RLN3: variants seen among roughly 807,000 people sequenced by gnomAD.
The protein encoded by RLN3 is relaxin-3.
A neutral mutation model predicts 10.2 loss-of-function variants in RLN3; 13 were observed. That is an observed-to-expected ratio of 1.28 (90% CI 0.83 to 2.03). RLN3 has a LOEUF of 2.03. RLN3 is among the 30% of genes most tolerant of loss of function. The pLI is 0.00. For synonymous variants in RLN3, 56 were observed against 79.2 expected (o/e 0.71, Z 1.56); for missense variants, 191 against 187.2 (o/e 1.02, Z -0.12).
Position 14,030,756 on chromosome 19 carries a change from C to T in RLN3, c.237C>T (p.Gly79=), listed in dbSNP as rs546369218. ...DADADEDSLA[G]ELDEAMGSSE... is the part of the protein sequence containing the mutation. Reference sequence around the variant, plus strand: ...ATGCTGATGAAGACAGTCTGGCAGGCGAGCTGGATGAGGCCATGGGGTCCA... The same window carrying T: ...ATGCTGATGAAGACAGTCTGGCAGGTGAGCTGGATGAGGCCATGGGGTCCA... The change falls in exon 2 of 2, where the codon GGC becomes GGT. Residue 79 remains glycine (G), a synonymous_variant. Coordinates refer to ENST00000431365, the MANE Select transcript of RLN3 (RefSeq NM_080864.4). 38 of 1,614,080 alleles carry T rather than the reference C, an allele frequency of 2.4e-5. No individual in the cohort carries two copies. The highest frequency in any genetic ancestry group is 1.6e-4 in the Middle Eastern group (1 of 6,082).
chr19:14,030,062 T>A (rs1012192547), intron 1 of RLN3, among the ~76,000 whole-genome samples: 1 of 151,924 alleles, frequency 6.6e-6, no homozygotes, highest in African/African-American at 2.4e-5. Context: ...GTTCTGGTGA[T>A]CCTCCAGCAT....
At position 14,028,156 on chromosome 19, in the gene RLN3, GC is replaced by G; in HGVS notation, c.-48del. 7.1e-7 allele frequency: 1 copy of G among 1,409,518 alleles called. No homozygotes were observed. Among genetic ancestry groups the G allele is most frequent in the Non-Finnish European group, 9.6e-7 (1 of 1,036,276 alleles). The allele number at this position is 1,409,518 out of a possible 1,614,324, so 87.3% of individuals were successfully genotyped here. On this transcript the variant is annotated 5_prime_UTR_variant, in exon 1 of 2. Coordinates refer to ENST00000431365, the MANE Select transcript of RLN3 (RefSeq NM_080864.4). Reference sequence around the variant, plus strand: ...CGATGTATAAATGGGGGGCCAAGAGGCAGCAGAGACACTGGCCCACTCTCAC... The same window carrying G: ...CGATGTATAAATGGGGGGCCAAGAGGAGCAGAGACACTGGCCCACTCTCAC...
In RLN3 at chr19:14,031,010, T is replaced by C. The variant is rs1403292286; in HGVS notation, c.*62T>C. 6.1e-6 allele frequency: 7 copies of C among 1,152,686 alleles called. No individual in the cohort carries two copies. Among genetic ancestry groups the C allele is most frequent in the Non-Finnish European group, 8.7e-6 (7 of 802,716 alleles). 71.4% of individuals were successfully genotyped at this position (1,152,686 alleles called of 1,614,324 possible). ...GCCCCAGTCCTGCCATCCACTCAACTAGTGTCTGGCTGGGCACCTGTCTTT... is the reference window on the plus strand; with the variant it reads ...GCCCCAGTCCTGCCATCCACTCAACCAGTGTCTGGCTGGGCACCTGTCTTT... On this transcript the variant is annotated 3_prime_UTR_variant, in exon 2 of 2. Coordinates refer to ENST00000431365, the MANE Select transcript of RLN3 (RefSeq NM_080864.4).
At chr19:14,030,323 C>T in intron 1 of RLN3, 1 of 702,980 alleles carries the variant, frequency 1.4e-6, no homozygotes, top group Non-Finnish European at 2.6e-6. Context: ...GTCAGCCCAG[C>T]TCCCAAATGT....
At chr19:14,029,541 C>A (rs1026776589) in intron 1 of RLN3, among the ~76,000 whole-genome samples, 1 of 151,380 alleles carries the variant, frequency 6.6e-6, no homozygotes, top group African/African-American at 2.4e-5. Flanking sequence ...TTAGTAGAGA[C>A]AGTTTCACCA....
chr19:14,029,551 A>G (rs1568496144), intron 1 of RLN3, among the ~76,000 whole-genome samples: 1 of 151,636 alleles, frequency 6.6e-6, no homozygotes, highest in Non-Finnish European at 1.5e-5. Flanking sequence ...CAGTTTCACC[A>G]TGTTGGCCAG....
chr19:14,030,452 G>A lies in RLN3; in HGVS notation c.191-258G>A. The A allele has an allele frequency of 7.3e-6, 5 of 682,436 alleles. 1 individual carries two copies. In the South Asian group the frequency reaches 7.6e-5, roughly 10 times the overall value. 42.3% of individuals were successfully genotyped at this position (682,436 alleles called of 1,614,324 possible). ...AGGTGGGCACATCACTTGAGGTCAGGAGTTTGCGACCAGCCTGAACAACAT... is the reference window on the plus strand; with the variant it reads ...AGGTGGGCACATCACTTGAGGTCAGAAGTTTGCGACCAGCCTGAACAACAT... On this transcript the variant is annotated intron_variant, in intron 1 of 1. Coordinates refer to ENST00000431365, the MANE Select transcript of RLN3 (RefSeq NM_080864.4).
intron 1 of RLN3, chr19:14,030,163 T>G: frequency 1.5e-6 from 1 of 648,786 alleles, no homozygotes; most frequent in Non-Finnish European, 2.8e-6. Context: ...CCAGACATTG[T>G]TCTAAGTTTT....
At chr19:14,030,653 G>C in intron 1 of RLN3, 57 bp from the exon 2 acceptor site, 1 of 1,422,368 alleles carries the variant, frequency 7.0e-7, no homozygotes, top group Non-Finnish European at 1.0e-6. Context: ...CAGGAGCCAT[G>C]ACTGTGGGTG....
At chr19:14,030,576 G>GAC in intron 1 of RLN3, 134 bp from the exon 2 acceptor site, 1 of 850,752 alleles carries the variant, frequency 1.2e-6, no homozygotes, top group Non-Finnish European at 2.0e-6. Flanking sequence ...TTGAACCCAG[G>GAC]ACTGGGTGGA....
In RLN3 at chr19:14,031,201, C is replaced by G. The variant is rs1599543665; in HGVS notation, c.*253C>G. ...CCTGGTCAAGTGGGGACCCCCCCATCCTGACCCCTGACCTCTCCCCAGCCC... is the reference window on the plus strand; with the variant it reads ...CCTGGTCAAGTGGGGACCCCCCCATGCTGACCCCTGACCTCTCCCCAGCCC... On this transcript the variant is annotated 3_prime_UTR_variant, in exon 2 of 2. Coordinates refer to ENST00000431365, the MANE Select transcript of RLN3 (RefSeq NM_080864.4). The G allele has an allele frequency of 2.1e-6, 1 of 484,142 alleles. No individual in the cohort carries two copies. Among genetic ancestry groups the G allele is most frequent in the African/African-American group, 2.0e-5 (1 of 51,040 alleles). The allele number at this position is 484,142 out of a possible 1,614,324, so 30.0% of individuals were successfully genotyped here. A position where few individuals can be genotyped will look rare whatever the true frequency, so the allele number is the denominator to read the frequency against.
At position 14,030,693 on chromosome 19, in the gene RLN3, C is replaced by T; in HGVS notation, c.191-17C>T. The T allele has an allele frequency of 2.5e-6, 4 of 1,608,278 alleles. No individual in the cohort carries two copies. The highest frequency in any genetic ancestry group is 1.3e-5 in the African/African-American group (1 of 74,958). On this transcript the variant is annotated splice_polypyrimidine_tract_variant and intron_variant, in intron 1 of 1. Transcript: ENST00000431365. ...AGCAGCTGAGCCCTGATCACTAACT[C>T]TGTTCATCTTTTGCAGGAGATACCT...
chr19:14,030,746 G>A lies in RLN3; in HGVS notation c.227G>A (p.Ser76Asn). The A allele has an allele frequency of 2.5e-6, 4 of 1,614,246 alleles. No individual in the cohort carries two copies. Among genetic ancestry groups the A allele is most frequent in the South Asian group, 2.2e-5 (2 of 91,090 alleles). The stretch of plus-strand genomic sequence containing the variant: ...CCGGATGCAGATGCTGATGAAGACA[G>A]TCTGGCAGGCGAGCTGGATGAGGCC... ...TFPDADADED[S>N]LAGELDEAMG... Residue 76 changes from serine to asparagine, a missense_variant, in exon 2 of 2, where the codon AGT becomes AAT. Ser to Asn is a conservative substitution (Grantham distance 46). Coordinates refer to ENST00000431365, the MANE Select transcript of RLN3 (RefSeq NM_080864.4).
intron 1 of RLN3, among the ~76,000 whole-genome samples, 185 bp from the exon 2 acceptor site, chr19:14,030,525 G>T (rs1975784022): frequency 6.6e-6 from 1 of 152,196 alleles, no homozygotes; most frequent in Non-Finnish European, 1.5e-5. Flanking sequence ...AGGCCTGCTG[G>T]CAGACACCTG....
In RLN3 at chr19:14,030,703, T is replaced by A. The variant is rs763239041; in HGVS notation, c.191-7T>A. 4 of 1,613,174 alleles carry A rather than the reference T, an allele frequency of 2.5e-6. No homozygotes were observed. The South Asian group carries it at 4.4e-5, about 18-fold the overall frequency. ...CCCTGATCACTAACTCTGTTCATCT[T>A]TTGCAGGAGATACCTTCCCGGATGC... On this transcript the variant is annotated splice_polypyrimidine_tract_variant and splice_region_variant and intron_variant, in intron 1 of 1. Coordinates refer to ENST00000431365, the MANE Select transcript of RLN3 (RefSeq NM_080864.4).
Position 14,030,772 on chromosome 19 carries a change from A to T in RLN3, c.253A>T (p.Met85Leu). The T allele has an allele frequency of 6.2e-7, 1 of 1,614,224 alleles. No homozygotes were observed. Among genetic ancestry groups the T allele is most frequent in the Non-Finnish European group, 8.5e-7 (1 of 1,180,042 alleles). ...DSLAGELDEA[M>L]GSSEWLALTK... ...TCTGGCAGGCGAGCTGGATGAGGCC[A>T]TGGGGTCCAGCGAGTGGCTGGCCCT... Residue 85 changes from methionine (M) to leucine (L), a missense_variant, in exon 2 of 2, where the codon ATG becomes TTG. By Grantham distance (15) the Met-to-Leu change is conservative. Coordinates refer to ENST00000431365, the MANE Select transcript of RLN3 (RefSeq NM_080864.4).
intron 1 of RLN3, among the ~76,000 whole-genome samples, chr19:14,029,849 A>G (rs1975771569): frequency 7.1e-6 from 1 of 140,804 alleles, no homozygotes; most frequent in Admixed American, 7.3e-5. Context: ...TATTTTTGAG[A>G]CAGGGTCTTG....
chr19:14,029,296 C>T (rs1975762344), intron 1 of RLN3, among the ~76,000 whole-genome samples: 1 of 151,534 alleles, frequency 6.6e-6, no homozygotes, highest in African/African-American at 2.4e-5. Context: ...ATAGAAGACA[C>T]ACCACTTGGA....
At position 14,031,489 on chromosome 19, in the gene RLN3, T is replaced by C; in HGVS notation, c.*541T>C. 1 of 266,582 alleles carries C rather than the reference T, an allele frequency of 3.8e-6. No homozygotes were observed. The highest frequency in any genetic ancestry group is 6.2e-5 in the South Asian group (1 of 16,214). 16.5% of individuals were successfully genotyped at this position (266,582 alleles called of 1,614,324 possible). A position where few individuals can be genotyped will look rare whatever the true frequency, so the allele number is the denominator to read the frequency against. ...CAGAGAAGGTGGCAGGTGGCCCCCC[T>C]AGGAGAGCTCTGGGCACATTCGAAT... On this transcript the variant is annotated 3_prime_UTR_variant, in exon 2 of 2. Coordinates refer to ENST00000431365, the MANE Select transcript of RLN3 (RefSeq NM_080864.4).
Sources: gnomAD v4.1 joint callset for allele counts (sites outside exome capture counted in the v4.1 genomes callset) on GRCh38, gnomAD v4.1.1 for gene constraint, MANE v1.5 for transcripts, NCBI Gene and HGNC (gene_info 2026-07-23, HGNC 2026-07-21) for gene names.